Variants in DENND4B observed in about 807,000 individuals in gnomAD.
DENND4B encodes the protein DENN domain-containing protein 4B.
DENND4B carries 67 observed loss-of-function variants against 161.0 expected under a neutral mutation model. The ratio of observed to expected loss-of-function variants is 0.42; its 90% CI spans 0.34 to 0.51. The LOEUF (loss-of-function observed/expected upper bound fraction) is 0.51. Among genes scored for constraint, DENND4B ranks in the 20% least tolerant of loss-of-function variants. The probability of loss-of-function intolerance (pLI) is 0.08; values close to 1 mark genes in which losing one functional copy is unlikely to be tolerated. For missense variants in DENND4B, 1,481 were observed against 1,968.0 expected (o/e 0.75, Z 4.68); for synonymous variants, 753 against 813.8 (o/e 0.93, Z 1.27).
rs1557856390 is a variant in DENND4B, at chr1:153,941,308, C to T, written c.1123-19G>A. ...GAGACATCTGGAAGGGAAGAAGAGC[C>T]ACGGCTCAGGGTAATGATGCCAACT... is the stretch of plus-strand genomic sequence containing the variant. On this transcript the variant is annotated intron_variant, in intron 7 of 27. Transcript: ENST00000361217. 4 of 1,613,776 alleles carry T rather than the reference C, an allele frequency of 2.5e-6. No homozygotes were observed. Among genetic ancestry groups the T allele is most frequent in the Non-Finnish European group, 3.4e-6 (4 of 1,179,790 alleles).
In DENND4B at chr1:153,946,172, G is replaced by A. The variant is rs1679955451; in HGVS notation, c.-24+129C>T. On this transcript the variant is annotated intron_variant, in intron 1 of 27. Coordinates refer to ENST00000361217, the MANE Select transcript of DENND4B (RefSeq NM_014856.3). The surrounding 1 kb of genome is among the most constrained non-coding windows in gnomAD (Gnocchi z 6.3). ...CTCCCCTCCACTTTCACTTCCCCAGGAGAGAGGAACCGGAACCAGATGTGC... is the reference window on the plus strand; with the variant it reads ...CTCCCCTCCACTTTCACTTCCCCAGAAGAGAGGAACCGGAACCAGATGTGC... 1 of 299,068 alleles carries A rather than the reference G, an allele frequency of 3.3e-6. No individual in the cohort carries two copies. The highest frequency in any genetic ancestry group is 6.1e-6 in the Non-Finnish European group (1 of 163,018). 18.5% of individuals were successfully genotyped at this position (299,068 alleles called of 1,614,324 possible). A position where few individuals can be genotyped will look rare whatever the true frequency, so the allele number is the denominator to read the frequency against.
chr1:153,934,781 C>G lies in DENND4B; in HGVS notation c.2752G>C (p.Glu918Gln). The change falls in exon 18 of 28, where the codon GAG becomes CAG. Residue 918 changes from glutamate (E) to glutamine (Q), a missense_variant. Around this residue, in one of 3 missense-constraint regions of DENND4B, gnomAD observed 339 missense variants for 330.3 expected, o/e 1.03. Coordinates refer to ENST00000361217, the MANE Select transcript of DENND4B (RefSeq NM_014856.3). This position sits in a 1 kb window ranked among gnomAD's most constrained non-coding sequence, Gnocchi z 5.3. ...QQQEQVSAHQEAGSSQAEPYL... is the reference protein window; with the variant it reads ...QQQEQVSAHQQAGSSQAEPYL... ...CCACCTGCCTGGGAGCTGCCTGCCTCTTGATGTGCTGACACCTGCTCCTGC... is the reference window on the plus strand; with the variant it reads ...CCACCTGCCTGGGAGCTGCCTGCCTGTTGATGTGCTGACACCTGCTCCTGC... 6.2e-7 allele frequency: 1 copy of G among 1,612,418 alleles called. No homozygotes were observed. The highest frequency in any genetic ancestry group is 8.5e-7 in the Non-Finnish European group (1 of 1,179,702).
Position 153,936,759 on chromosome 1 carries a change from CAG to C in DENND4B, c.2233-13_2233-12del, listed in dbSNP as rs778374252. 7.1e-5 allele frequency: 111 copies of C among 1,566,104 alleles called. No homozygotes were observed. The South Asian group carries it at 9.5e-4, about 13-fold the overall frequency. ...TGCAACTTTCATCTCCTAGGTAGGA[CAG>C]GGGACACATCAGGGTGAGTACAATG... On this transcript the variant is annotated splice_polypyrimidine_tract_variant and intron_variant, in intron 15 of 27. Coordinates refer to ENST00000361217, the MANE Select transcript of DENND4B (RefSeq NM_014856.3). This position sits in a 1 kb window ranked among gnomAD's most constrained non-coding sequence, Gnocchi z 4.1.
At position 153,934,987 on chromosome 1, in the gene DENND4B, G is replaced by C. The variant is rs1318822019; in HGVS notation, c.2569-23C>G. 6.2e-7 allele frequency: 1 copy of C among 1,606,468 alleles called. No homozygotes were observed. The highest frequency in any genetic ancestry group is 1.7e-5 in the Admixed American group (1 of 59,980). ...AGCCTACCAAGCACAGTGCCCATCAGGATGGCCTACCTCGACACCCTAACC... is the reference window on the plus strand; with the variant it reads ...AGCCTACCAAGCACAGTGCCCATCACGATGGCCTACCTCGACACCCTAACC... On this transcript the variant is annotated intron_variant, in intron 17 of 27. Coordinates refer to ENST00000361217, the MANE Select transcript of DENND4B (RefSeq NM_014856.3). This position sits in a 1 kb window ranked among gnomAD's most constrained non-coding sequence, Gnocchi z 5.3.
chr1:153,940,548 G>C lies in DENND4B; in HGVS notation c.1385C>G (p.Ala462Gly). 6.2e-7 allele frequency: 1 copy of C among 1,613,624 alleles called. No homozygotes were observed. The highest frequency in any genetic ancestry group is 8.5e-7 in the Non-Finnish European group (1 of 1,179,742). The part of the protein sequence containing the change: ...PYIPLCPLVL[A>G]DVLSAPVPFI... ...GGGCACTGGGGCACTCAGCACATCT[G>C]CCAGCACCAGCGGGCACAGAGGAAT... The change falls in exon 10 of 28, where the codon GCA (alanine) becomes GGA (glycine). Residue 462 changes from alanine to glycine, a missense_variant. Transcript: ENST00000361217. This position sits in a 1 kb window ranked among gnomAD's most constrained non-coding sequence, Gnocchi z 5.6.
chr1:153,941,774 A>AGGGGGGGGGG, intron 6 of DENND4B, 95 bp downstream of exon 6: 1 of 618,134 alleles, frequency 1.6e-6, no homozygotes, highest in Non-Finnish European at 2.8e-6. Context: ...CCCTGTGCCC[A>AGGGGGGGGGG]GCCCTCCCCC....
Position 153,932,837 on chromosome 1 carries a change from C to A in DENND4B, c.3623+24G>T, listed in dbSNP as rs766242197. ...ACCTTCACCTCCCTATTCCCACCCA[C>A]AGCACTTGCCCTGCCTTGGGCACCT... On this transcript the variant is annotated intron_variant, in intron 22 of 27. Coordinates refer to ENST00000361217, the MANE Select transcript of DENND4B (RefSeq NM_014856.3). This position sits in a 1 kb window ranked among gnomAD's most constrained non-coding sequence, Gnocchi z 5.8. The A allele has an allele frequency of 4.3e-6, 7 of 1,613,592 alleles. No homozygotes were observed. The highest frequency in any genetic ancestry group is 5.9e-6 in the Non-Finnish European group (7 of 1,179,678).
At position 153,930,597 on chromosome 1, in the gene DENND4B, G is replaced by C. The variant is rs776653329; in HGVS notation, c.4287C>G (p.Ile1429Met). Residue 1429 changes from isoleucine to methionine, a missense_variant, in exon 27 of 28, where the codon ATC becomes ATG. By Grantham distance (10) the Ile-to-Met change is conservative. Coordinates refer to ENST00000361217, the MANE Select transcript of DENND4B (RefSeq NM_014856.3). This position sits in a 1 kb window ranked among gnomAD's most constrained non-coding sequence, Gnocchi z 4.7. Reference sequence around the variant, plus strand: ...TTGTCAGGAATAATATCTCACGGTAGATTCCCCTTTAGTGGAGGCAGAAGT... The same window carrying C: ...TTGTCAGGAATAATATCTCACGGTACATTCCCCTTTAGTGGAGGCAGAAGT... ...PPTGLHLQRGIYREILFLTMA... is the reference protein window; with the variant it reads ...PPTGLHLQRGMYREILFLTMA... 1.2e-6 allele frequency: 2 copies of C among 1,613,918 alleles called. No individual in the cohort carries two copies. Among genetic ancestry groups the C allele is most frequent in the African/African-American group, 2.7e-5 (2 of 74,938 alleles).
Position 153,933,596 on chromosome 1 carries a change from CA to C in DENND4B, c.3216del (p.Ala1073ProfsTer57). 2 of 1,572,522 alleles carry C rather than the reference CA, an allele frequency of 1.3e-6. No individual in the cohort carries two copies. Among genetic ancestry groups the C allele is most frequent in the Non-Finnish European group, 1.7e-6 (2 of 1,161,658 alleles). ...QQLLTPSRHS[P>X]ASRIPPPELP... ...AGCTCAGGTGGGGGAATGCGGGAGG[CA>C]GGGGAGTGGCGGGAAGGAGTGAGCA... On this transcript the variant is annotated frameshift_variant, in exon 20 of 28. Transcript: ENST00000361217. LOFTEE classifies it high-confidence loss of function. The surrounding 1 kb of genome is among the most constrained non-coding windows in gnomAD (Gnocchi z 5.7).
chr1:153,945,127 G>C (rs1679888979), intron 1 of DENND4B: 12 of 1,289,568 alleles, frequency 9.3e-6, no homozygotes, highest in Non-Finnish European at 1.0e-5. Flanking sequence ...CAACAGCCTA[G>C]TTCTCACCTG....
Position 153,930,604 on chromosome 1 carries a change from C to T in DENND4B, c.4281-1G>A. ...GAATAATATCTCACGGTAGATTCCC[C>T]TTTAGTGGAGGCAGAAGTGTATGAG... On this transcript the variant is annotated splice_acceptor_variant, in intron 26 of 27. Transcript: ENST00000361217. LOFTEE classifies it high-confidence loss of function. The surrounding 1 kb of genome is among the most constrained non-coding windows in gnomAD (Gnocchi z 4.7). 6.2e-7 allele frequency: 1 copy of T among 1,613,986 alleles called. No homozygotes were observed. The highest frequency in any genetic ancestry group is 8.5e-7 in the Non-Finnish European group (1 of 1,179,858).
At position 153,942,581 on chromosome 1, in the gene DENND4B, C is replaced by A; in HGVS notation, c.615G>T (p.Lys205Asn). ...CTGCCTCGTACACCAGCGTGTTGGCCTTCGCCAGGCCCACCTTATAGCACA... is the reference window on the plus strand; with the variant it reads ...CTGCCTCGTACACCAGCGTGTTGGCATTCGCCAGGCCCACCTTATAGCACA... ...VYLCYKVGLAKANTLVYEAEL... is the reference protein window; with the variant it reads ...VYLCYKVGLANANTLVYEAEL... The change falls in exon 4 of 28, where the codon AAG (lysine) becomes AAT (asparagine). Residue 205 changes from lysine to asparagine, a missense_variant. By Grantham distance (94) the Lys-to-Asn change is moderately conservative. Around this residue, in one of 3 missense-constraint regions of DENND4B, gnomAD observed 806 missense variants for 1,134.4 expected, o/e 0.71. Transcript: ENST00000361217. This position sits in a 1 kb window ranked among gnomAD's most constrained non-coding sequence, Gnocchi z 6.9. 6.3e-7 allele frequency: 1 copy of A among 1,598,644 alleles called. No individual in the cohort carries two copies. The highest frequency in any genetic ancestry group is 8.5e-7 in the Non-Finnish European group (1 of 1,172,442).
Position 153,937,288 on chromosome 1 carries a change from G to A in DENND4B, c.2232+200C>T, listed in dbSNP as rs1557852017. Among the ~76,000 whole-genome samples the A allele has an allele frequency of 6.6e-6, 1 of 152,234 alleles. No homozygotes were observed. ...TTCCCAGAGTGCTCAGAAGACGGAG[G>A]TGATGATGATGATGATAATGACAGT... On this transcript the variant is annotated intron_variant, in intron 15 of 27. Transcript: ENST00000361217. The surrounding 1 kb of genome is among the most constrained non-coding windows in gnomAD (Gnocchi z 4.7).
chr1:153,933,561 G>A lies in DENND4B; in HGVS notation c.3252C>T (p.Asp1084=). Reference sequence around the variant, plus strand: ...GGCTGCGGCGGGCTGGGGGTGGCAGGTCAGGAGGCAGCTCAGGTGGGGGAA... The same window carrying A: ...GGCTGCGGCGGGCTGGGGGTGGCAGATCAGGAGGCAGCTCAGGTGGGGGAA... ...SRIPPPELPP[D]LPPPARRSPM... The change falls in exon 20 of 28, where the codon GAC becomes GAT. Residue 1084 remains aspartate (D), a synonymous_variant. Coordinates refer to ENST00000361217, the MANE Select transcript of DENND4B (RefSeq NM_014856.3). This position sits in a 1 kb window ranked among gnomAD's most constrained non-coding sequence, Gnocchi z 5.7. 6.4e-7 allele frequency: 1 copy of A among 1,555,856 alleles called. No individual in the cohort carries two copies. The highest frequency in any genetic ancestry group is 1.4e-5 in the African/African-American group (1 of 72,956).
Position 153,934,616 on chromosome 1 carries a change from A to G in DENND4B, c.2773+144T>C, listed in dbSNP as rs1679210227. 7.2e-7 allele frequency: 1 copy of G among 1,389,640 alleles called. No homozygotes were observed. The highest frequency in any genetic ancestry group is 1.4e-5 in the African/African-American group (1 of 69,306). 86.1% of individuals were successfully genotyped at this position (1,389,640 alleles called of 1,614,324 possible). On this transcript the variant is annotated intron_variant, in intron 18 of 27. Transcript: ENST00000361217. The surrounding 1 kb of genome is among the most constrained non-coding windows in gnomAD (Gnocchi z 5.3). ...GCCACCACGCCCAGCTAATTTTTTT[A>G]TCCCTTTTGTTACCAGTCAAGTGTA... is the stretch of plus-strand genomic sequence containing the variant.
In DENND4B at chr1:153,930,811, G is replaced by C; in HGVS notation, c.4161C>G (p.Ser1387=). 1 of 1,605,700 alleles carries C rather than the reference G, an allele frequency of 6.2e-7. No homozygotes were observed. The highest frequency in any genetic ancestry group is 8.5e-7 in the Non-Finnish European group (1 of 1,176,100). Residue 1387 remains serine (S), a synonymous_variant, in exon 26 of 28, where the codon TCC becomes TCG. Coordinates refer to ENST00000361217, the MANE Select transcript of DENND4B (RefSeq NM_014856.3). The surrounding 1 kb of genome is among the most constrained non-coding windows in gnomAD (Gnocchi z 4.7). ...CTGACTCCAACAGTGCCAAACTAAG[G>C]GATGCAGGTACAGGGCCTGGCCATA... ...RVVWPGPVPA[S]LSLALLESVL...
In DENND4B at chr1:153,932,184, G is replaced by A. The variant is rs1678995812; in HGVS notation, c.3996+20C>T. On this transcript the variant is annotated intron_variant, in intron 24 of 27. Transcript: ENST00000361217. This position sits in a 1 kb window ranked among gnomAD's most constrained non-coding sequence, Gnocchi z 5.8. ...ATGAGGGAGGCACTTAGGAAACAGGGGCCACATGGGGGCACTGACCTGGGA... is the reference window on the plus strand; with the variant it reads ...ATGAGGGAGGCACTTAGGAAACAGGAGCCACATGGGGGCACTGACCTGGGA... The A allele has an allele frequency of 1.9e-6, 3 of 1,602,658 alleles. No homozygotes were observed. The highest frequency in any genetic ancestry group is 2.2e-5 in the South Asian group (2 of 90,088).
Position 153,944,958 on chromosome 1 carries a change from C to T in DENND4B, c.-23-561G>A, listed in dbSNP as rs1211460262. On this transcript the variant is annotated intron_variant, in intron 1 of 27. Coordinates refer to ENST00000361217, the MANE Select transcript of DENND4B (RefSeq NM_014856.3). This position sits in a 1 kb window ranked among gnomAD's most constrained non-coding sequence, Gnocchi z 4.8. The stretch of plus-strand genomic sequence containing the variant: ...GAGTCTTTTCAACGAACCCAAGTGT[C>T]CTTTCTCCTAGCTTAACTCCACCAA... 1.3e-5 allele frequency among the ~76,000 whole-genome samples: 2 copies of T among 152,170 alleles called. No individual in the cohort carries two copies. Among genetic ancestry groups the T allele is most frequent in the Non-Finnish European group, 2.9e-5 (2 of 68,042 alleles).
rs762341103 is a variant in DENND4B, at chr1:153,943,016, G to A, written c.432C>T (p.Tyr144=). The A allele has an allele frequency of 8.7e-6, 14 of 1,614,046 alleles. No individual in the cohort carries two copies. The highest frequency in any genetic ancestry group is 2.2e-5 in the East Asian group (1 of 44,890). Residue 144 remains tyrosine (Y), a synonymous_variant, in exon 3 of 28, where the codon TAC becomes TAT. Transcript: ENST00000361217. ...CCTCTGCTGCCCGCCGGTAAGTGAG[G>A]TAGGTGCGGGGGTGCCCGGGGCCTG... The part of the protein sequence containing the change: ...APPGPGHPRT[Y]LTYRRAAEGA...
Sources: gnomAD v4.1 joint callset for allele counts (sites outside exome capture counted in the v4.1 genomes callset) on GRCh38, gnomAD v4.1.1 for gene constraint, gnomAD v4.1.1 regional missense constraint, Gnocchi (gnomAD v3.1) non-coding constraint, MANE v1.5 for transcripts, NCBI Gene and HGNC (gene_info 2026-07-23, HGNC 2026-07-21) for gene names.